Variants in FKBP8 observed in about 807,000 individuals in gnomAD.
FKBP8 encodes the protein peptidyl-prolyl cis-trans isomerase FKBP8.
In FKBP8, 5 loss-of-function variants were observed where a neutral mutation model predicts 41.7. The observed-to-expected ratio is 0.12, with a 90% CI of 0.06 to 0.25. FKBP8 has a LOEUF of 0.25. Ranked by LOEUF, FKBP8 falls within the 10% of genes least tolerant of loss-of-function variation. The pLI is 1.00. For synonymous variants in FKBP8, 279 were observed against 254.5 expected, an observed-to-expected ratio of 1.10 and a Z score of -0.92; for missense variants, 397 against 563.0, an observed-to-expected ratio of 0.71 and a Z score of 2.98.
At position 18,541,572 on chromosome 19, in the gene FKBP8, G is replaced by T. The variant is rs956865908; in HGVS notation, c.292+107C>A. On this transcript the variant is annotated intron_variant, in intron 2 of 8. Transcript: ENST00000608443. ...GTAGTTGCCTCTGGCTGGTGATCAC[G>T]GTGGTGACCACGTGACTTCCAACCC... 6 of 1,473,660 alleles carry T rather than the reference G, an allele frequency of 4.1e-6. No homozygotes were observed. The East Asian group carries it at 1.4e-4, about 34-fold the overall frequency. The allele number at this position is 1,473,660 out of a possible 1,614,324, so 91.3% of individuals were successfully genotyped here.
At chr19:18,534,953 T>C (rs1369327465) in intron 6 of FKBP8, among the ~76,000 whole-genome samples, 1 of 151,836 alleles carries the variant, frequency 6.6e-6, no homozygotes, top group East Asian at 1.9e-4. Context: ...ACCGGCTAAT[T>C]TTTGTATTTT....
chr19:18,532,804 G>T lies in FKBP8; in HGVS notation c.1024-9C>A. 7 of 1,613,338 alleles carry T rather than the reference G, an allele frequency of 4.3e-6. No homozygotes were observed. The highest frequency in any genetic ancestry group is 5.9e-6 in the Non-Finnish European group (7 of 1,179,900). On this transcript the variant is annotated splice_polypyrimidine_tract_variant and intron_variant, in intron 7 of 8. Coordinates refer to ENST00000608443, the MANE Select transcript of FKBP8 (RefSeq NM_012181.5). ...AGCTCTGCGTGGATCGTCTGCAGAAGGCAGGGGAAGCTGAGAACACGCAGC... is the reference window on the plus strand; with the variant it reads ...AGCTCTGCGTGGATCGTCTGCAGAATGCAGGGGAAGCTGAGAACACGCAGC...
Position 18,533,302 on chromosome 19 carries a change from T to C in FKBP8, c.991A>G (p.Arg331Gly). ...GAAGGTTCCAGCTTCAGGGCTGCCC[T>C]CAGGATGGGGATGGCCTCACTGTAC... is the stretch of plus-strand genomic sequence containing the variant. ...GEYSEAIPIL[R>G]AALKLEPSNK... The change falls in exon 7 of 9, where the codon AGG (arginine) becomes GGG (glycine). Residue 331 changes from arginine (R) to glycine (G), a missense_variant. Physicochemically the swap from Arg to Gly is moderately radical, Grantham distance 125. This residue lies in a region of FKBP8 where 225 missense variants were observed against 366.8 expected (regional missense o/e 0.61). Transcript: ENST00000608443. 1.2e-6 allele frequency: 2 copies of C among 1,604,482 alleles called. No homozygotes were observed. Among genetic ancestry groups the C allele is most frequent in the Non-Finnish European group, 1.7e-6 (2 of 1,175,668 alleles).
intron 6 of FKBP8, among the ~76,000 whole-genome samples, chr19:18,535,124 T>C (rs536730897): frequency 6.6e-6 from 1 of 152,170 alleles, no homozygotes; most frequent in East Asian, 1.9e-4. Flanking sequence ...AGGGCCATGT[T>C]CCCCAGGATG....
intron 6 of FKBP8, among the ~76,000 whole-genome samples, chr19:18,536,352 T>C (rs1324584482): frequency 1.3e-5 from 2 of 152,096 alleles, no homozygotes; most frequent in Non-Finnish European, 2.9e-5. Context: ...CAGAACTTTT[T>C]TTTCTGTTCT....
In FKBP8 at chr19:18,537,813, G is replaced by A. The variant is rs747913259; in HGVS notation, c.773-40C>T. On this transcript the variant is annotated intron_variant, in intron 5 of 8. Coordinates refer to ENST00000608443, the MANE Select transcript of FKBP8 (RefSeq NM_012181.5). This position sits in a 1 kb window ranked among gnomAD's most constrained non-coding sequence, Gnocchi z 4.4. ...TGCCCGCCACGGCAGCCGTCACCAT[G>A]CCACCAGACACCCCGGCACCCACCC... 1.6e-5 allele frequency: 25 copies of A among 1,574,400 alleles called. No homozygotes were observed. Among genetic ancestry groups the A allele is most frequent in the Non-Finnish European group, 1.9e-5 (22 of 1,155,282 alleles).
At chr19:18,536,609 C>T (rs1600532911) in intron 6 of FKBP8, among the ~76,000 whole-genome samples, 1 of 152,186 alleles carries the variant, frequency 6.6e-6, no homozygotes, top group Non-Finnish European at 1.5e-5. Flanking sequence ...CCTGCCTTGG[C>T]CTCCTGTAAT....
intron 6 of FKBP8, chr19:18,536,052 C>G (rs536608956): frequency 6.6e-6 from 1 of 152,296 alleles, no homozygotes; most frequent in East Asian, 1.9e-4. Flanking sequence ...ATACTACCCC[C>G]AGGTTGAGAA....
rs556938614 is a variant in FKBP8 at position 18,539,640 on chromosome 19, C to T, written c.373G>A (p.Val125Ile). 37 of 1,612,600 alleles carry T rather than the reference C, an allele frequency of 2.3e-5. No homozygotes were observed. The highest frequency in any genetic ancestry group is 3.0e-5 in the Non-Finnish European group (35 of 1,180,024). Residue 125 changes from valine (V) to isoleucine (I), a missense_variant, in exon 3 of 9, where the codon GTA (valine) becomes ATA (isoleucine). Around this residue, in one of 2 missense-constraint regions of FKBP8, gnomAD observed 172 missense variants for 196.2 expected, o/e 0.88. Coordinates refer to ENST00000608443, the MANE Select transcript of FKBP8 (RefSeq NM_012181.5). ...TTCTCCAGCGACGTCTGCAGATGTACGGTGACCACCTGGCCCTTGACCGGG... is the reference window on the plus strand; with the variant it reads ...TTCTCCAGCGACGTCTGCAGATGTATGGTGACCACCTGGCCCTTGACCGGG... ...SRPVKGQVVT[V>I]HLQTSLENGT...
At position 18,539,358 on chromosome 19, in the gene FKBP8, G is replaced by A; in HGVS notation, c.551+13C>T. 2 of 1,608,680 alleles carry A rather than the reference G, an allele frequency of 1.2e-6. No homozygotes were observed. Among genetic ancestry groups the A allele is most frequent in the Non-Finnish European group, 1.7e-6 (2 of 1,177,350 alleles). ...CTGAGACCTGCAGAGACCTAAGGGTGGCTGACTCTCACCTGCCTTGGGGGC... is the reference window on the plus strand; with the variant it reads ...CTGAGACCTGCAGAGACCTAAGGGTAGCTGACTCTCACCTGCCTTGGGGGC... On this transcript the variant is annotated intron_variant, in intron 4 of 8. Transcript: ENST00000608443.
At position 18,537,581 on chromosome 19, in the gene FKBP8, G is replaced by A; in HGVS notation, c.945+20C>T. 1 of 1,565,894 alleles carries A rather than the reference G, an allele frequency of 6.4e-7. No individual in the cohort carries two copies. The highest frequency in any genetic ancestry group is 2.3e-5 in the East Asian group (1 of 44,090). On this transcript the variant is annotated intron_variant, in intron 6 of 8. Coordinates refer to ENST00000608443, the MANE Select transcript of FKBP8 (RefSeq NM_012181.5). The surrounding 1 kb of genome is among the most constrained non-coding windows in gnomAD (Gnocchi z 4.4). ...TACCCCAGGCTGAGTGACCCGGCCT[G>A]GCACCCCGGTGTGGCCTACCTTGCC...
chr19:18,533,048 G>A (rs930788397), intron 7 of FKBP8: 16 of 690,796 alleles, frequency 2.3e-5, no homozygotes, highest in African/African-American at 5.4e-5. Context: ...CTGGCATGGA[G>A]CAGGCTGGCA....
intron 6 of FKBP8, among the ~76,000 whole-genome samples, chr19:18,536,921 G>A (rs1247958632): frequency 6.6e-5 from 10 of 152,206 alleles, no homozygotes; most frequent in Non-Finnish European, 1.5e-5. Flanking sequence ...CAGAAAGTGA[G>A]GTGGGAGAAG....
intron 7 of FKBP8, 42 bp from the exon 8 acceptor site, chr19:18,532,837 C>G: frequency 6.2e-7 from 1 of 1,605,976 alleles, no homozygotes; most frequent in Non-Finnish European, 8.5e-7. Context: ...AGCGGCCAAC[C>G]TGTCATCACT....
Position 18,533,267 on chromosome 19 carries a change from C to A in FKBP8, c.1023+3G>T. Reference sequence around the variant, plus strand: ...AGTCCCAGGGCACCCCTGTCCTGCTCACCTTGTTGGAAGGTTCCAGCTTCA... The same window carrying A: ...AGTCCCAGGGCACCCCTGTCCTGCTAACCTTGTTGGAAGGTTCCAGCTTCA... On this transcript the variant is annotated splice_donor_region_variant and intron_variant, in intron 7 of 8. Transcript: ENST00000608443. 6.3e-7 allele frequency: 1 copy of A among 1,590,370 alleles called. No homozygotes were observed. Among genetic ancestry groups the A allele is most frequent in the Non-Finnish European group, 8.6e-7 (1 of 1,167,782 alleles).
At chr19:18,534,054 C>T (rs917929940) in intron 6 of FKBP8, among the ~76,000 whole-genome samples, 4 of 149,456 alleles carry the variant, frequency 2.7e-5, no homozygotes, top group African/African-American at 7.4e-5. Flanking sequence ...ACCTGTAATC[C>T]CAGCACTTTG....
At position 18,539,004 on chromosome 19, in the gene FKBP8, C is replaced by T. The variant is rs527523794; in HGVS notation, c.551+367G>A. 2.0e-5 allele frequency among the ~76,000 whole-genome samples: 3 copies of T among 151,962 alleles called. No homozygotes were observed. In the East Asian group the frequency reaches 5.8e-4, roughly 29 times the overall value. ...TAATTTTTTGTATTTTTAGTAGAGACGGGGTTTCACCGTGCTAGCCAGGAT... is the reference window on the plus strand; with the variant it reads ...TAATTTTTTGTATTTTTAGTAGAGATGGGGTTTCACCGTGCTAGCCAGGAT... On this transcript the variant is annotated intron_variant, in intron 4 of 8. Transcript: ENST00000608443.
At chr19:18,532,984 G>A (rs1568408519) in intron 7 of FKBP8, 189 bp from the exon 8 acceptor site, 7 of 947,278 alleles carry the variant, frequency 7.4e-6, no homozygotes, top group Non-Finnish European at 9.1e-6. Context: ...AATTGATGGC[G>A]CAGAGCACAA....
Position 18,539,665 on chromosome 19 carries a change from G to C in FKBP8, c.348C>G (p.Arg116=), listed in dbSNP as rs770805277. The C allele has an allele frequency of 6.2e-7, 1 of 1,611,666 alleles. No individual in the cohort carries two copies. Among genetic ancestry groups the C allele is most frequent in the Non-Finnish European group, 8.5e-7 (1 of 1,180,022 alleles). Residue 116 remains arginine (R), a synonymous_variant, in exon 3 of 9, where the codon CGC becomes CGG. Coordinates refer to ENST00000608443, the MANE Select transcript of FKBP8 (RefSeq NM_012181.5). The stretch of plus-strand genomic sequence containing the variant: ...CGGTGACCACCTGGCCCTTGACCGG[G>C]CGGCTCGAACCTGGCGGCCCTGGGA... The part of the protein sequence containing the change: ...TLVPGPPGSS[R]PVKGQVVTVH...
Sources: gnomAD v4.1 joint callset for allele counts (sites outside exome capture counted in the v4.1 genomes callset) on GRCh38, gnomAD v4.1.1 for gene constraint, gnomAD v4.1.1 regional missense constraint, Gnocchi (gnomAD v3.1) non-coding constraint, MANE v1.5 for transcripts, NCBI Gene and HGNC (gene_info 2026-07-23, HGNC 2026-07-21) for gene names.